Variants in DIXDC1 observed in about 807,000 individuals in gnomAD.
DIXDC1 encodes DIX domain containing 1, also known as dixin.
Under a neutral mutation model 103.1 loss-of-function variants are expected in DIXDC1, and 64 were observed. The ratio of observed to expected loss-of-function variants is 0.62; its 90% CI spans 0.51 to 0.76. The LOEUF is 0.76. Among genes scored for constraint, DIXDC1 ranks in the 30% least tolerant of loss-of-function variants. The pLI, the probability that DIXDC1 is intolerant of heterozygous loss-of-function variation, is 0.00. For synonymous variants in DIXDC1, 266 were observed against 298.5 expected (o/e 0.89, Z 1.12); for missense variants, 759 against 834.2 (o/e 0.91, Z 1.11).
chr11:111,957,864 C>T lies in DIXDC1; in HGVS notation c.61-6685C>T, dbSNP rs587741442. 2.6e-5 allele frequency among the ~76,000 whole-genome samples: 4 copies of T among 152,350 alleles called. No homozygotes were observed. In the South Asian group the frequency reaches 8.3e-4, roughly 32 times the overall value. On this transcript the variant is annotated intron_variant, in intron 1 of 19. Coordinates refer to ENST00000440460, the MANE Select transcript of DIXDC1 (RefSeq NM_001037954.4). The stretch of plus-strand genomic sequence containing the variant: ...GGTATTTTGTCACTGTTAGTGATGG[C>T]AGCGGCAGTCCATCTGGAGCAGCTG...
rs587704217 is a variant in DIXDC1 at position 111,955,012 on chromosome 11, C to T, written c.61-9537C>T. 5.9e-4 allele frequency among the ~76,000 whole-genome samples: 89 copies of T among 151,914 alleles called. 1 individual carries two copies. Among genetic ancestry groups the T allele is most frequent in the South Asian group, 4.4e-3 (21 of 4,810 alleles). Reference sequence around the variant, plus strand: ...TATGTATGTATGCATATATAAATTTCCTACTTTATCTACTGAGAGGACCTA... The same window carrying T: ...TATGTATGTATGCATATATAAATTTTCTACTTTATCTACTGAGAGGACCTA... On this transcript the variant is annotated intron_variant, in intron 1 of 19. Coordinates refer to ENST00000440460, the MANE Select transcript of DIXDC1 (RefSeq NM_001037954.4).
intron 1 of DIXDC1, among the ~76,000 whole-genome samples, chr11:111,954,316 C>T (rs1966869352): frequency 6.6e-6 from 1 of 151,966 alleles, no homozygotes; most frequent in Admixed American, 6.6e-5. Flanking sequence ...GTTCCCATTC[C>T]CATGAGAATC....
intron 2 of DIXDC1, among the ~76,000 whole-genome samples, chr11:111,930,416 A>C (rs150882130): frequency 0.011 from 1,663 of 152,184 alleles, 33 homozygotes; most frequent in African/African-American, 0.038. Context: ...AGTAGCTGGG[A>C]CTACAGGCAC....
chr11:111,942,513 A>C (rs1465693122), intron 1 of DIXDC1, among the ~76,000 whole-genome samples: 1 of 152,212 alleles, frequency 6.6e-6, no homozygotes, highest in Admixed American at 6.5e-5. Context: ...AACCAATTCC[A>C]CAGGCCCTGA....
rs1295583021 is a variant in DIXDC1 at position 112,005,637 on chromosome 11, G to A, written c.1756+9491G>A. ...CACTTGAGTCTGGGAGTTGGAGGCTGCAGTGAGCTGTGATCACACCACTGC... is the reference window on the plus strand; with the variant it reads ...CACTTGAGTCTGGGAGTTGGAGGCTACAGTGAGCTGTGATCACACCACTGC... On this transcript the variant is annotated intron_variant, in intron 17 of 19. Transcript: ENST00000440460. 2.0e-5 allele frequency among the ~76,000 whole-genome samples: 3 copies of A among 152,202 alleles called. No individual in the cohort carries two copies. In the East Asian group the frequency reaches 5.8e-4, roughly 29 times the overall value.
At chr11:111,940,352 T>G (rs1195244990) in intron 1 of DIXDC1, among the ~76,000 whole-genome samples, 1 of 152,232 alleles carries the variant, frequency 6.6e-6, no homozygotes, top group African/African-American at 2.4e-5. Context: ...TATCCACAGG[T>G]TTTGGCTACT....
At chr11:111,932,582 G>T (rs587770414), upstream of DIXDC1, among the ~76,000 whole-genome samples, 1 of 140,508 alleles carries the variant, frequency 7.1e-6, no homozygotes, top group African/African-American at 2.7e-5. Context: ...GCGAGACTCC[G>T]TCTCAAAAAA....
chr11:111,972,599 T>C (rs932445904), intron 3 of DIXDC1, among the ~76,000 whole-genome samples: 1 of 152,176 alleles, frequency 6.6e-6, no homozygotes, highest in Admixed American at 6.6e-5. Context: ...CCCTGTGTGA[T>C]CCACCCTCTG....
At chr11:112,008,584 A>C (rs1555176925) in intron 17 of DIXDC1, among the ~76,000 whole-genome samples, 6 of 152,148 alleles carry the variant, frequency 3.9e-5, no homozygotes, top group Non-Finnish European at 1.5e-5. Context: ...AAATGTAAAA[A>C]ACAGAAATCA....
intron 17 of DIXDC1, among the ~76,000 whole-genome samples, chr11:112,009,178 C>T (rs1555176981): frequency 6.6e-6 from 1 of 152,152 alleles, no homozygotes. Context: ...ACTATAAACA[C>T]CTCTACGCAA....
chr11:112,004,226 T>C (rs1220112440), intron 17 of DIXDC1, among the ~76,000 whole-genome samples: 1 of 152,024 alleles, frequency 6.6e-6, no homozygotes, highest in African/African-American at 2.4e-5. Context: ...AAAAAAAGGT[T>C]GGCTGTGGGG....
At chr11:111,990,678 T>C (rs1860681078) in intron 10 of DIXDC1, among the ~76,000 whole-genome samples, 1 of 152,122 alleles carries the variant, frequency 6.6e-6, no homozygotes, top group Admixed American at 6.6e-5. Context: ...AACAATGATC[T>C]AACAGCCTTG....
intron 17 of DIXDC1, among the ~76,000 whole-genome samples, chr11:112,005,668 A>T (rs185423003): frequency 6.6e-6 from 1 of 152,346 alleles, no homozygotes. Flanking sequence ...ACTGCACTCC[A>T]GTCTGGGCAG....
chr11:111,982,432 A>G lies in DIXDC1; in HGVS notation c.863A>G (p.Gln288Arg). Residue 288 changes from glutamine to arginine, a missense_variant, in exon 7 of 20, where the codon CAA (glutamine) becomes CGA (arginine). Gln to Arg is a conservative substitution (Grantham distance 43, BLOSUM62 1). Around this residue, in one of 3 missense-constraint regions of DIXDC1, gnomAD observed 657 missense variants for 727.5 expected, o/e 0.90. Coordinates refer to ENST00000440460, the MANE Select transcript of DIXDC1 (RefSeq NM_001037954.4). ...TSWEEQLLEQ[Q>R]EYLEKEMEEA... ...TGGGAAGAACAGCTGTTGGAACAAC[A>G]AGAATATTTAGAAAAAGAAATGGAG... 6.2e-7 allele frequency: 1 copy of G among 1,613,934 alleles called. No homozygotes were observed. The highest frequency in any genetic ancestry group is 8.5e-7 in the Non-Finnish European group (1 of 1,179,848).
intron 17 of DIXDC1, among the ~76,000 whole-genome samples, chr11:112,013,300 T>C (rs1169932649): frequency 1.3e-5 from 1 of 77,600 alleles, no homozygotes; most frequent in East Asian, 4.2e-4. Flanking sequence ...CTTCAACATA[T>C]GAAGTTGACG....
At chr11:112,007,150 T>G (rs1861262627) in intron 17 of DIXDC1, among the ~76,000 whole-genome samples, 1 of 152,120 alleles carries the variant, frequency 6.6e-6, no homozygotes, top group African/African-American at 2.4e-5. Flanking sequence ...ATGAGAACTT[T>G]GTGATGCACG....
intron 1 of DIXDC1, among the ~76,000 whole-genome samples, chr11:111,943,629 A>G (rs1555169110): frequency 6.6e-6 from 1 of 151,474 alleles, no homozygotes; most frequent in Non-Finnish European, 1.5e-5. Flanking sequence ...CCTCCCGAGT[A>G]GCTGGGACTA....
At chr11:111,969,636 C>T (rs763058245) in intron 3 of DIXDC1, among the ~76,000 whole-genome samples, 10 of 152,112 alleles carry the variant, frequency 6.6e-5, no homozygotes, top group Admixed American at 3.9e-4. Context: ...TGCTGTTTCT[C>T]GAGAACTGAC....
chr11:111,961,610 A>G (rs1859580273), intron 1 of DIXDC1, among the ~76,000 whole-genome samples: 1 of 152,248 alleles, frequency 6.6e-6, no homozygotes, highest in Non-Finnish European at 1.5e-5. Context: ...AATGTGCATG[A>G]AAAGTACTCA....
Sources: allele counts gnomAD v4.1 joint callset (sites outside exome capture counted in the v4.1 genomes callset), GRCh38; gene constraint gnomAD v4.1.1; regional missense constraint gnomAD v4.1.1; transcripts MANE v1.5; gene names NCBI Gene and HGNC (gene_info 2026-07-23, HGNC 2026-07-21).